The following MYO1E variants were observed in gnomAD, a reference collection of about 807,000 sequenced individuals.
MYO1E encodes the protein unconventional myosin-Ie.
Under a neutral mutation model 151.1 loss-of-function variants are expected in MYO1E, and 68 were observed. That is an observed-to-expected ratio of 0.45 (90% CI 0.37 to 0.55). The LOEUF (loss-of-function observed/expected upper bound fraction) is 0.55, where lower values mean the gene tolerates loss of function less well. Ranked by LOEUF, MYO1E falls within the 20% of genes least tolerant of loss-of-function variation. The pLI is 0.00. For synonymous variants in MYO1E, 601 were observed against 501.7 expected (o/e 1.20, Z -2.64); for missense variants, 1,363 against 1,389.3 (o/e 0.98, Z 0.30).
intron 1 of MYO1E, among the ~76,000 whole-genome samples, chr15:59,365,312 C>A (rs1251977004): frequency 6.6e-6 from 1 of 152,108 alleles, no homozygotes; most frequent in African/African-American, 2.4e-5. Context: ...AGCCACCGCG[C>A]CCGGCTGAAT....
chr15:59,152,966 C>T (rs1257379187), intron 26 of MYO1E, among the ~76,000 whole-genome samples: 10 of 152,154 alleles, frequency 6.6e-5, no homozygotes, highest in South Asian at 2.1e-4. Context: ...TTTCAGTTGG[C>T]GCTAGTTCCA....
intron 1 of MYO1E, among the ~76,000 whole-genome samples, chr15:59,325,875 T>C (rs2080660699): frequency 6.6e-6 from 1 of 152,110 alleles, no homozygotes; most frequent in Non-Finnish European, 1.5e-5. Context: ...GGACATGGAT[T>C]GACTCCCACA....
At chr15:59,225,081 G>C (rs981839474) in intron 7 of MYO1E, among the ~76,000 whole-genome samples, 1 of 152,248 alleles carries the variant, frequency 6.6e-6, no homozygotes, top group African/African-American at 2.4e-5. Flanking sequence ...ACCCTCGGAA[G>C]AGTGGAAAGC....
chr15:59,304,940 A>G (rs532008537), intron 1 of MYO1E, among the ~76,000 whole-genome samples: 52 of 152,202 alleles, frequency 3.4e-4, no homozygotes, highest in African/African-American at 1.3e-3. Context: ...CTTTGTCTCT[A>G]TTTACCATGG....
intron 4 of MYO1E, among the ~76,000 whole-genome samples, chr15:59,241,110 T>C (rs1235360803): frequency 6.6e-6 from 1 of 152,088 alleles, no homozygotes; most frequent in Non-Finnish European, 1.5e-5. Flanking sequence ...GCCAGGTGTG[T>C]TGCGTGTGTG....
chr15:59,369,695 G>C (rs1453224919), intron 1 of MYO1E, among the ~76,000 whole-genome samples: 2 of 152,122 alleles, frequency 1.3e-5, no homozygotes, highest in African/African-American at 4.8e-5. Context: ...GTTTTCTCAA[G>C]ATAGAAAAGT....
chr15:59,282,518 A>G (rs1410846715), intron 1 of MYO1E, among the ~76,000 whole-genome samples: 1 of 152,050 alleles, frequency 6.6e-6, no homozygotes, highest in Non-Finnish European at 1.5e-5. Context: ...CAGGAACCCT[A>G]GAATGGTGGC....
At chr15:59,242,121 C>T (rs1453627199) in intron 4 of MYO1E, among the ~76,000 whole-genome samples, 2 of 152,150 alleles carry the variant, frequency 1.3e-5, no homozygotes, top group Non-Finnish European at 2.9e-5. Context: ...AGACTCTAGA[C>T]TTCCATTTTC....
Position 59,137,061 on chromosome 15 carries a change from T to C in MYO1E, c.*319A>G, listed in dbSNP as rs776570392. On this transcript the variant is annotated 3_prime_UTR_variant, in exon 28 of 28. Coordinates refer to ENST00000288235, the MANE Select transcript of MYO1E (RefSeq NM_004998.4). ...CCTGGTGAGCAAGCAGGGTGCTGTT[T>C]TGATAGAAGCCTACAAGGTCTGAGC... 2.5e-4 allele frequency: 101 copies of C among 411,712 alleles called. 3 individuals are homozygous for C. Among genetic ancestry groups the C allele is most frequent in the Non-Finnish European group, 2.4e-4 (52 of 216,934 alleles). 25.5% of individuals were successfully genotyped at this position (411,712 alleles called of 1,614,324 possible).
At chr15:59,196,774 G>A (rs1256499677) in intron 16 of MYO1E, among the ~76,000 whole-genome samples, 1 of 152,136 alleles carries the variant, frequency 6.6e-6, no homozygotes, top group Non-Finnish European at 1.5e-5. Context: ...TCAAAGCAAA[G>A]CCCTATGATG....
chr15:59,302,976 A>G (rs2080492009), intron 1 of MYO1E, among the ~76,000 whole-genome samples: 1 of 152,166 alleles, frequency 6.6e-6, no homozygotes, highest in Non-Finnish European at 1.5e-5. Context: ...TGGAGAAAGG[A>G]AACTTTCAGT....
chr15:59,299,728 G>T (rs764934563), intron 1 of MYO1E, among the ~76,000 whole-genome samples: 39 of 152,168 alleles, frequency 2.6e-4, no homozygotes, highest in Non-Finnish European at 4.7e-4. Flanking sequence ...ACAAATCATT[G>T]ATCTTTCTTG....
intron 25 of MYO1E, among the ~76,000 whole-genome samples, chr15:59,154,617 A>C (rs2079499925): frequency 6.6e-6 from 1 of 152,158 alleles, no homozygotes; most frequent in Non-Finnish European, 1.5e-5. Context: ...CAACCAAATT[A>C]AGAGAACTCT....
At chr15:59,300,357 A>G (rs898304161) in intron 1 of MYO1E, among the ~76,000 whole-genome samples, 5 of 152,070 alleles carry the variant, frequency 3.3e-5, no homozygotes, top group African/African-American at 1.2e-4. Context: ...GCACACAGGC[A>G]CACACACACG....
At chr15:59,167,114 G>A (rs1454713688) in intron 22 of MYO1E, among the ~76,000 whole-genome samples, 1 of 152,178 alleles carries the variant, frequency 6.6e-6, no homozygotes, top group Non-Finnish European at 1.5e-5. Context: ...AGCAGGACAG[G>A]CAGTGAAGCG....
In MYO1E at chr15:59,152,314, G is replaced by A. The variant is rs558182905; in HGVS notation, c.3080+1276C>T. On this transcript the variant is annotated intron_variant, in intron 26 of 27. Transcript: ENST00000288235. ...GAGCTGTTGTTTCTCTTCCTGCACA[G>A]GTCTATTTTGCATTCATACCTCCTG... 3.3e-5 allele frequency among the ~76,000 whole-genome samples: 5 copies of A among 152,332 alleles called. No individual in the cohort carries two copies. The South Asian group carries it at 1.0e-3, about 32-fold the overall frequency.
intron 4 of MYO1E, among the ~76,000 whole-genome samples, chr15:59,245,291 G>A (rs1021731333): frequency 6.6e-5 from 10 of 152,114 alleles, no homozygotes; most frequent in Non-Finnish European, 1.5e-4. Flanking sequence ...AAATATGAGC[G>A]GCACTGGGAA....
chr15:59,231,671 C>T (rs755828473), intron 6 of MYO1E, 31 bp downstream of exon 6: 51 of 1,602,968 alleles, frequency 3.2e-5, no homozygotes, highest in South Asian at 6.6e-5. Context: ...ATCAATCAAG[C>T]GACACTCTCT....
chr15:59,293,701 T>C (rs2080432882), intron 1 of MYO1E, among the ~76,000 whole-genome samples: 1 of 152,150 alleles, frequency 6.6e-6, no homozygotes, highest in Non-Finnish European at 1.5e-5. Context: ...AATGAAGCCC[T>C]CAAAAGTTTT....
Sources: allele counts gnomAD v4.1 joint callset (sites outside exome capture counted in the v4.1 genomes callset), GRCh38; gene constraint gnomAD v4.1.1; transcripts MANE v1.5; gene names NCBI Gene and HGNC (gene_info 2026-07-23, HGNC 2026-07-21).